RIT2: variants seen among roughly 807,000 people sequenced by gnomAD.
The protein encoded by RIT2 is Ras like without CAAX 2.
Under a neutral mutation model 23.7 loss-of-function variants are expected in RIT2, and 24 were observed. The observed-to-expected ratio is 1.01, with a 90% CI of 0.73 to 1.43. The LOEUF is 1.43. RIT2 is among the 40% of genes most tolerant of loss of function. RIT2 has a pLI of 0.00. For synonymous variants in RIT2, 107 were observed against 91.1 expected (o/e 1.17, Z -0.99); for missense variants, 236 against 266.9 (o/e 0.88, Z 0.81).
intron 4 of RIT2, among the ~76,000 whole-genome samples, chr18:42,802,187 G>T (rs945124792): frequency 1.3e-5 from 2 of 152,086 alleles, no homozygotes; most frequent in Non-Finnish European, 2.9e-5. Flanking sequence ...TTATAATTAG[G>T]ATAAACGTTA....
chr18:43,021,610 T>C (rs1240874927), intron 2 of RIT2, among the ~76,000 whole-genome samples: 1 of 151,948 alleles, frequency 6.6e-6, no homozygotes, highest in Non-Finnish European at 1.5e-5. Context: ...GAATAGTGAG[T>C]GAGTCAGTTA....
intron 2 of RIT2, among the ~76,000 whole-genome samples, chr18:42,987,960 C>T (rs752146374): frequency 2.0e-5 from 3 of 152,168 alleles, no homozygotes; most frequent in Non-Finnish European, 4.4e-5. Context: ...GATCCACCCG[C>T]ATGACCCAGA....
intron 4 of RIT2, among the ~76,000 whole-genome samples, chr18:42,801,224 CACAG>C (rs1309940796): frequency 2.6e-5 from 4 of 152,148 alleles, no homozygotes; most frequent in South Asian, 2.1e-4. Context: ...TTTTTAATTA[CACAG>C]ACAATCAGCC....
At chr18:42,942,551 T>C (rs1215143697) in intron 3 of RIT2, among the ~76,000 whole-genome samples, 1 of 152,154 alleles carries the variant, frequency 6.6e-6, no homozygotes, top group East Asian at 1.9e-4. Flanking sequence ...AAAAAATATC[T>C]GGCCACCGTC....
intron 4 of RIT2, among the ~76,000 whole-genome samples, chr18:42,877,210 G>A (rs567119245): frequency 6.6e-6 from 1 of 151,634 alleles, no homozygotes; most frequent in African/African-American, 2.4e-5. Context: ...TATGGTTAGG[G>A]TATATATTAT....
chr18:42,855,116 T>C (rs1907148626), intron 4 of RIT2, among the ~76,000 whole-genome samples: 1 of 152,168 alleles, frequency 6.6e-6, no homozygotes, highest in South Asian at 2.1e-4. Context: ...GTGTTCTCAT[T>C]TCTAAAAAAA....
chr18:42,803,454 G>A (rs1905596218), intron 4 of RIT2, among the ~76,000 whole-genome samples: 1 of 152,144 alleles, frequency 6.6e-6, no homozygotes, highest in South Asian at 2.1e-4. Flanking sequence ...TGTTTGATCT[G>A]ATATTGTTTG....
intron 2 of RIT2, among the ~76,000 whole-genome samples, chr18:42,986,154 C>T (rs1028516129): frequency 2.6e-5 from 4 of 151,460 alleles, no homozygotes; most frequent in African/African-American, 9.7e-5. Context: ...ATTCTCCTGC[C>T]TCGGCCTCCT....
chr18:42,836,063 A>C (rs1005776264), intron 4 of RIT2, among the ~76,000 whole-genome samples: 1 of 152,208 alleles, frequency 6.6e-6, no homozygotes, highest in Non-Finnish European at 1.5e-5. Flanking sequence ...TTTCTTACAC[A>C]CTTCTTACTC....
chr18:42,896,947 A>T (rs1158335434), intron 4 of RIT2, among the ~76,000 whole-genome samples: 3 of 152,156 alleles, frequency 2.0e-5, no homozygotes, highest in Admixed American at 2.0e-4. Flanking sequence ...AACTTGGCTT[A>T]TCTGGTTTTC....
intron 4 of RIT2, among the ~76,000 whole-genome samples, chr18:42,833,183 T>C (rs1300094870): frequency 6.6e-6 from 1 of 152,094 alleles, no homozygotes; most frequent in African/African-American, 2.4e-5. Context: ...TCTATTATTC[T>C]ACTGTTTACC....
intron 4 of RIT2, among the ~76,000 whole-genome samples, chr18:42,916,335 G>GT (rs1568029475): frequency 6.6e-6 from 1 of 152,062 alleles, no homozygotes; most frequent in Non-Finnish European, 1.5e-5. Flanking sequence ...TCTTTTGTAT[G>GT]TGTCTGTTGT....
At chr18:42,961,778 C>A (rs187346541) in intron 3 of RIT2, among the ~76,000 whole-genome samples, 2 of 152,188 alleles carry the variant, frequency 1.3e-5, no homozygotes, top group African/African-American at 4.8e-5. Flanking sequence ...AATCATTTTT[C>A]TTTAACCACC....
chr18:43,060,208 G>C (rs1191551810), intron 1 of RIT2, among the ~76,000 whole-genome samples: 1 of 152,058 alleles, frequency 6.6e-6, no homozygotes, highest in African/African-American at 2.4e-5. Flanking sequence ...GAGAATAAGA[G>C]AGTTATCCAA....
At chr18:42,815,016 G>A (rs1905955958) in intron 4 of RIT2, among the ~76,000 whole-genome samples, 2 of 152,122 alleles carry the variant, frequency 1.3e-5, no homozygotes, top group African/African-American at 2.4e-5. Flanking sequence ...AAAATAATCT[G>A]AACAACAGCC....
chr18:42,934,160 A>T (rs889088050), intron 3 of RIT2, among the ~76,000 whole-genome samples: 3 of 152,110 alleles, frequency 2.0e-5, no homozygotes, highest in African/African-American at 7.2e-5. Context: ...GTAGGAAAAA[A>T]TTTAAATATA....
At chr18:42,914,277 C>T (rs535244072) in intron 4 of RIT2, among the ~76,000 whole-genome samples, 1 of 152,170 alleles carries the variant, frequency 6.6e-6, no homozygotes, top group Non-Finnish European at 1.5e-5. Context: ...TAAGATCTAG[C>T]AATTTTGCTC....
chr18:42,979,692 C>A (rs1229135717), intron 2 of RIT2, among the ~76,000 whole-genome samples: 1 of 152,000 alleles, frequency 6.6e-6, no homozygotes, highest in Non-Finnish European at 1.5e-5. Context: ...AGCATTGATA[C>A]AAATCTAATG....
chr18:43,081,450 T>A (rs943697534), intron 1 of RIT2, among the ~76,000 whole-genome samples: 2 of 152,170 alleles, frequency 1.3e-5, no homozygotes, highest in Non-Finnish European at 2.9e-5. Context: ...TGTTTCTCTG[T>A]ATTGGAGAGA....
Sources: gnomAD v4.1 joint callset for allele counts (sites outside exome capture counted in the v4.1 genomes callset) on GRCh38, gnomAD v4.1.1 for gene constraint, MANE v1.5 for transcripts, NCBI Gene and HGNC (gene_info 2026-07-23, HGNC 2026-07-21) for gene names.